FUS: variants seen among roughly 807,000 people sequenced by gnomAD.
FUS encodes the protein RNA-binding protein FUS.
A neutral mutation model predicts 82.7 loss-of-function variants in FUS; 5 were observed. The ratio of observed to expected loss-of-function variants is 0.06; its 90% CI spans 0.03 to 0.13. The LOEUF (loss-of-function observed/expected upper bound fraction) is 0.13. Ranked by LOEUF, FUS falls within the 10% of genes least tolerant of loss-of-function variation. FUS has a pLI of 1.00. For synonymous variants in FUS, 281 were observed against 247.4 expected (o/e 1.14, Z -1.27); for missense variants, 512 against 707.8 (o/e 0.72, Z 3.14).
downstream of FUS, chr16:31,193,863 T>A (rs1170846415): frequency 1.9e-6 from 1 of 526,720 alleles, no homozygotes; most frequent in Non-Finnish European, 3.7e-6. Flanking sequence ...TTGCCCAGGC[T>A]GGTCTTGAAC....
chr16:31,189,898 C>G, intron 10 of FUS, 104 bp downstream of exon 10: 1 of 1,598,416 alleles, frequency 6.3e-7, no homozygotes, highest in Non-Finnish European at 8.6e-7. Flanking sequence ...CCAACACTTA[C>G]TTTAGCTGCG....
At chr16:31,192,932 T>C (rs575854569), downstream of FUS, 1 of 484,984 alleles carries the variant, frequency 2.1e-6, no homozygotes, top group Non-Finnish European at 4.1e-6. Context: ...TGCTGCATCC[T>C]TGAATCTTGG....
chr16:31,189,223 T>A lies in FUS; in HGVS notation c.933T>A (p.Ile311=), dbSNP rs1363369336. The change falls in exon 9 of 15, where the codon ATT becomes ATA. Residue 311 remains isoleucine (I), a synonymous_variant. Coordinates refer to ENST00000254108, the MANE Select transcript of FUS (RefSeq NM_004960.4). ...VADYFKQIGI[I]KTNKKTGQPM... ...ATTACTTCAAGCAGATTGGTATTATTAAGGTACTTGTGGAGAGGAGTGGGA... is the reference window on the plus strand; with the variant it reads ...ATTACTTCAAGCAGATTGGTATTATAAAGGTACTTGTGGAGAGGAGTGGGA... The A allele has an allele frequency of 6.2e-7, 1 of 1,605,588 alleles. No homozygotes were observed. Among genetic ancestry groups the A allele is most frequent in the South Asian group, 1.1e-5 (1 of 90,912 alleles).
chr16:31,188,289 G>GTT lies in FUS; in HGVS notation c.800-27_800-26dup, dbSNP rs759867403. 2.6e-5 allele frequency: 36 copies of GTT among 1,386,460 alleles called. 1 individual carries two copies. The highest frequency in any genetic ancestry group is 1.2e-4 in the South Asian group (9 of 77,888). 85.9% of individuals were successfully genotyped at this position (1,386,460 alleles called of 1,614,324 possible). On this transcript the variant is annotated intron_variant, in intron 7 of 14. Transcript: ENST00000254108. ...AACGGCTCATCTTTTCCTTGTTTTT[G>GTT]TTTTTTTTTTGTTCTTTTTTTCCAT...
chr16:31,181,343 C>A (rs1225967097), intron 1 of FUS, among the ~76,000 whole-genome samples: 1 of 152,158 alleles, frequency 6.6e-6, no homozygotes, highest in African/African-American at 2.4e-5. Context: ...ATGAGTTGAT[C>A]TTGTTCGTGT....
In FUS at chr16:31,188,335, C is replaced by G. The variant is rs1238867683; in HGVS notation, c.810C>G (p.Asp270Glu). The change falls in exon 8 of 15, where the codon GAC (aspartate) becomes GAG (glutamate). Residue 270 changes from aspartate (D) to glutamate (E), a missense_variant. Physicochemically the swap from Asp to Glu is conservative, Grantham distance 45 (BLOSUM62 2). Around this residue, in one of 6 missense-constraint regions of FUS, gnomAD observed 51 missense variants for 72.2 expected, o/e 0.71. Transcript: ENST00000254108. ...TCCATGTCACTAAAGGCCCTCGGGACCAAGGATCACGTCATGACTCCGGTG... is the reference window on the plus strand; with the variant it reads ...TCCATGTCACTAAAGGCCCTCGGGAGCAAGGATCACGTCATGACTCCGGTG... ...GGFNKFGGPR[D>E]QGSRHDSEQD... 3.1e-6 allele frequency: 5 copies of G among 1,612,874 alleles called. No homozygotes were observed. Among genetic ancestry groups the G allele is most frequent in the Middle Eastern group, 1.7e-4 (1 of 6,060 alleles).
At chr16:31,180,327 G>A (rs2058036901) in intron 1 of FUS, 100 bp downstream of exon 1, 1 of 1,473,794 alleles carries the variant, frequency 6.8e-7, no homozygotes, top group Non-Finnish European at 9.2e-7. Flanking sequence ...TCCCGTGTGG[G>A]ATTTTTTGGC....
chr16:31,184,186 T>C, intron 4 of FUS, 23 bp from the exon 5 acceptor site: 2 of 1,614,144 alleles, frequency 1.2e-6, no homozygotes, highest in Non-Finnish European at 1.7e-6. Context: ...ATTGTGATTG[T>C]GTTTTTTGTT....
Position 31,189,183 on chromosome 16 carries a change from T to C in FUS, c.893T>C (p.Ile298Thr). 1 of 1,614,060 alleles carries C rather than the reference T, an allele frequency of 6.2e-7. No individual in the cohort carries two copies. The highest frequency in any genetic ancestry group is 1.3e-5 in the African/African-American group (1 of 75,034). The part of the protein sequence containing the change: ...FVQGLGENVT[I>T]ESVADYFKQI... ...CAAGGCCTGGGTGAGAATGTTACAA[T>C]TGAGTCTGTGGCTGATTACTTCAAG... The change falls in exon 9 of 15, where the codon ATT becomes ACT. Residue 298 changes from isoleucine to threonine, a missense_variant. By Grantham distance (89) the Ile-to-Thr change is moderately conservative. Coordinates refer to ENST00000254108, the MANE Select transcript of FUS (RefSeq NM_004960.4).
At chr16:31,189,868 T>C in intron 10 of FUS, 74 bp downstream of exon 10, 1 of 1,611,508 alleles carries the variant, frequency 6.2e-7, no homozygotes, top group South Asian at 1.1e-5. Context: ...AGCCATAGTT[T>C]GAGGGTTCTT....
At position 31,180,237 on chromosome 16, in the gene FUS, G is replaced by A. The variant is rs1320639124; in HGVS notation, c.13+10G>A. The A allele has an allele frequency of 2.5e-6, 4 of 1,609,714 alleles. No individual in the cohort carries two copies. The Admixed American group carries it at 5.0e-5, about 20-fold the overall frequency. The stretch of plus-strand genomic sequence containing the variant: ...GACATGGCCTCAAACGGTAGGTAAG[G>A]GCGCGAGGCGACGGCGGCGGCGCAC... On this transcript the variant is annotated intron_variant, in intron 1 of 14. Coordinates refer to ENST00000254108, the MANE Select transcript of FUS (RefSeq NM_004960.4).
intron 5 of FUS, 71 bp from the exon 6 acceptor site, chr16:31,184,868 T>C: frequency 6.5e-7 from 1 of 1,539,868 alleles, no homozygotes; most frequent in East Asian, 2.2e-5. Context: ...TGTCAAACCT[T>C]TTCAAACCTT....
In FUS at chr16:31,182,548, A is replaced by G. The variant is rs141516414; in HGVS notation, c.74A>G (p.Tyr25Cys). 2.2e-5 allele frequency: 35 copies of G among 1,614,028 alleles called. No individual in the cohort carries two copies. The highest frequency in any genetic ancestry group is 3.3e-5 in the South Asian group (3 of 91,082). Reference sequence around the variant, plus strand: ...TACCCCACCCAGCCCGGGCAGGGCTATTCCCAGCAGAGCAGTCAGCCCTAC... The same window carrying G: ...TACCCCACCCAGCCCGGGCAGGGCTGTTCCCAGCAGAGCAGTCAGCCCTAC... ...GAYPTQPGQG[Y>C]SQQSSQPYGQ... Residue 25 changes from tyrosine to cysteine, a missense_variant, in exon 3 of 15, where the codon TAT becomes TGT. Tyr to Cys is a radical substitution (Grantham distance 194). Around this residue, in one of 6 missense-constraint regions of FUS, gnomAD observed 276 missense variants for 303.3 expected, o/e 0.91. Transcript: ENST00000254108.
Position 31,182,529 on chromosome 16 carries a change from A to T in FUS, c.55A>T (p.Thr19Ser), listed in dbSNP as rs1458127703. Reference protein sequence around the residue: ...QATQSYGAYPTQPGQGYSQQS... With the variant: ...QATQSYGAYPSQPGQGYSQQS... ...TTTATTTAGCTATGGGGCCTACCCC[A>T]CCCAGCCCGGGCAGGGCTATTCCCA... The change falls in exon 3 of 15, where the codon ACC (threonine) becomes TCC (serine). Residue 19 changes from threonine to serine, a missense_variant. Coordinates refer to ENST00000254108, the MANE Select transcript of FUS (RefSeq NM_004960.4). 6.2e-7 allele frequency: 1 copy of T among 1,613,980 alleles called. No individual in the cohort carries two copies. The highest frequency in any genetic ancestry group is 1.7e-5 in the Admixed American group (1 of 59,990).
chr16:31,184,406 C>T lies in FUS; in HGVS notation c.523+10C>T, dbSNP rs1413470934. ...GGAGGTGGAGGTGGAGGTGAGATGTCTTCAGCTTTGTCTGCAGCCCATTTT... is the reference window on the plus strand; with the variant it reads ...GGAGGTGGAGGTGGAGGTGAGATGTTTTCAGCTTTGTCTGCAGCCCATTTT... On this transcript the variant is annotated intron_variant, in intron 5 of 14. Transcript: ENST00000254108. 7 of 1,565,516 alleles carry T rather than the reference C, an allele frequency of 4.5e-6. No individual in the cohort carries two copies. The highest frequency in any genetic ancestry group is 1.8e-6 in the Non-Finnish European group (2 of 1,137,258).
intron 6 of FUS, chr16:31,185,687 C>A: frequency 4.6e-6 from 2 of 430,218 alleles, no homozygotes; most frequent in South Asian, 3.6e-5. Flanking sequence ...CTAATTTGAC[C>A]GACATTGATT....
Position 31,185,131 on chromosome 16 carries a change from A to G in FUS, c.716A>G (p.Tyr239Cys), listed in dbSNP as rs145013063. 14 of 1,610,976 alleles carry G rather than the reference A, an allele frequency of 8.7e-6. 1 individual carries two copies. The highest frequency in any genetic ancestry group is 6.7e-5 in the Admixed American group (4 of 59,376). The change falls in exon 6 of 15, where the codon TAT becomes TGT. Residue 239 changes from tyrosine to cysteine, a missense_variant. Physicochemically the swap from Tyr to Cys is radical, Grantham distance 194. Transcript: ENST00000254108. The stretch of plus-strand genomic sequence containing the variant: ...GGTTACAACCGCAGCAGTGGTGGCT[A>G]TGAACCCAGAGGTCGTGGAGGTGGC... ...GGGYNRSSGG[Y>C]EPRGRGGGRG... is the part of the protein sequence containing the mutation.
Position 31,188,342 on chromosome 16 carries a change from T to C in FUS, c.817T>C (p.Ser273Pro). 6.2e-7 allele frequency: 1 copy of C among 1,613,904 alleles called. No homozygotes were observed. Among genetic ancestry groups the C allele is most frequent in the Non-Finnish European group, 8.5e-7 (1 of 1,179,996 alleles). Residue 273 changes from serine to proline, a missense_variant, in exon 8 of 15, where the codon TCA (serine) becomes CCA (proline). Physicochemically the swap from Ser to Pro is moderately conservative, Grantham distance 74. Around this residue, in one of 6 missense-constraint regions of FUS, gnomAD observed 51 missense variants for 72.2 expected, o/e 0.71. Transcript: ENST00000254108. ...CACTAAAGGCCCTCGGGACCAAGGA[T>C]CACGTCATGACTCCGGTGAGTTCAC... ...NKFGGPRDQG[S>P]RHDSEQDNSD...
intron 7 of FUS, chr16:31,187,977 C>T (rs1054715786): frequency 1.3e-4 from 49 of 365,130 alleles, no homozygotes; most frequent in African/African-American, 8.1e-4. Flanking sequence ...GTGAGAGAAC[C>T]GGGCCAAGCT....
Sources: gnomAD v4.1 joint callset for allele counts (sites outside exome capture counted in the v4.1 genomes callset) on GRCh38, gnomAD v4.1.1 for gene constraint, gnomAD v4.1.1 regional missense constraint, MANE v1.5 for transcripts, NCBI Gene and HGNC (gene_info 2026-07-23, HGNC 2026-07-21) for gene names.